Variants in DNAH11 observed in about 807,000 individuals in gnomAD.
DNAH11 encodes the protein axonemal beta dynein heavy chain 11.
In DNAH11, 442 loss-of-function variants were observed where a neutral mutation model predicts 526.0. The observed-to-expected ratio is 0.84, with a 90% CI of 0.78 to 0.91. The LOEUF is 0.91. Ranked by LOEUF, DNAH11 falls within the 40% of genes least tolerant of loss-of-function variation. The pLI, the probability that DNAH11 is intolerant of heterozygous loss-of-function variation, is 0.00. For missense variants in DNAH11, 6,989 were observed against 5,448.7 expected, an observed-to-expected ratio of 1.28 and a Z score of -8.90; for synonymous variants, 2,461 against 1,935.9, an observed-to-expected ratio of 1.27 and a Z score of -7.12.
chr7:21,879,492 C>T (rs532801851), intron 74 of DNAH11, among the ~76,000 whole-genome samples: 5 of 151,980 alleles, frequency 3.3e-5, no homozygotes, highest in African/African-American at 1.2e-4. Context: ...CAGGTCTAGA[C>T]ACATGTTTCC....
At position 21,749,600 on chromosome 7, in the gene DNAH11, C is replaced by T. The variant is rs1237450682; in HGVS notation, c.8674-78C>T. The T allele has an allele frequency of 2.5e-6, 4 of 1,572,254 alleles. No individual in the cohort carries two copies. In the Admixed American group the frequency reaches 7.0e-5, roughly 27 times the overall value. On this transcript the variant is annotated intron_variant, in intron 52 of 81. Coordinates refer to ENST00000409508, the MANE Select transcript of DNAH11 (RefSeq NM_001277115.2). ...GCTATGGCGATACAGTTACTGAGTT[C>T]TCCCCAGCACTCACACACAACCTCT...
chr7:21,683,974 G>T, intron 32 of DNAH11, 30 bp downstream of exon 32: 1 of 1,606,684 alleles, frequency 6.2e-7, no homozygotes, highest in Non-Finnish European at 8.5e-7. Context: ...GTCCAGATAG[G>T]AAAAACAACC....
At chr7:21,857,347 C>T (rs141980951) in intron 68 of DNAH11, among the ~76,000 whole-genome samples, 16 of 152,236 alleles carry the variant, frequency 1.1e-4, no homozygotes, top group Admixed American at 2.6e-4. Flanking sequence ...ACACCATGTT[C>T]ATCAGTTGGA....
intron 28 of DNAH11, among the ~76,000 whole-genome samples, chr7:21,641,192 C>T (rs932303148): frequency 6.6e-6 from 1 of 152,212 alleles, no homozygotes; most frequent in Admixed American, 6.5e-5. Flanking sequence ...TCACTTCTTA[C>T]TGGTGCCCAG....
chr7:21,732,879 G>A (rs140563383), intron 45 of DNAH11, among the ~76,000 whole-genome samples: 187 of 152,354 alleles, frequency 1.2e-3, no homozygotes, highest in Middle Eastern at 6.8e-3. Context: ...ACCTTTCTCA[G>A]AAGCCTGGAG....
At chr7:21,612,536 CAG>C (rs1449500397) in intron 20 of DNAH11, among the ~76,000 whole-genome samples, 9 of 118,782 alleles carry the variant, frequency 7.6e-5, no homozygotes, top group Admixed American at 2.2e-4. Flanking sequence ...GCCTGGGCGA[CAG>C]AGTGAGGCTC....
intron 32 of DNAH11, 65 bp from the exon 33 acceptor site, chr7:21,687,034 T>C (rs1334707697): frequency 8.8e-6 from 13 of 1,483,144 alleles, no homozygotes; most frequent in Middle Eastern, 3.6e-4. Flanking sequence ...TCTAATGTAT[T>C]GCCTCTGATG....
At chr7:21,760,818 T>C (rs1466675851) in intron 54 of DNAH11, among the ~76,000 whole-genome samples, 2 of 151,842 alleles carry the variant, frequency 1.3e-5, no homozygotes, top group African/African-American at 4.8e-5. Context: ...CCAGTCTGTG[T>C]AGCCCTTATT....
intron 65 of DNAH11, among the ~76,000 whole-genome samples, chr7:21,827,640 A>G (rs998400198): frequency 6.7e-6 from 1 of 148,714 alleles, no homozygotes; most frequent in African/African-American, 2.5e-5. Flanking sequence ...TATTAACTAT[A>G]TGATTTAAAA....
intron 67 of DNAH11, 24 bp downstream of exon 67, chr7:21,852,655 G>A: frequency 6.4e-7 from 1 of 1,552,878 alleles, no homozygotes; most frequent in Non-Finnish European, 8.7e-7. Flanking sequence ...AGGGTGCCTG[G>A]CAGATTCTAA....
At chr7:21,594,947 G>A (rs1360622434) in intron 14 of DNAH11, among the ~76,000 whole-genome samples, 1 of 152,182 alleles carries the variant, frequency 6.6e-6, no homozygotes, top group Non-Finnish European at 1.5e-5. Context: ...CATTCTAAAA[G>A]GATTTCTGGC....
intron 20 of DNAH11, among the ~76,000 whole-genome samples, chr7:21,614,764 G>A (rs925182299): frequency 2.0e-5 from 3 of 152,084 alleles, no homozygotes; most frequent in African/African-American, 7.2e-5. Context: ...TTACATGGAA[G>A]TTTCTAGAGC....
At chr7:21,820,542 A>C (rs1790008854) in intron 65 of DNAH11, among the ~76,000 whole-genome samples, 1 of 152,194 alleles carries the variant, frequency 6.6e-6, no homozygotes, top group Non-Finnish European at 1.5e-5. Flanking sequence ...AAAACAATCC[A>C]ACAGCTTTGG....
chr7:21,866,450 G>T lies in DNAH11; in HGVS notation c.11497-20G>T. 1 of 1,597,136 alleles carries T rather than the reference G, an allele frequency of 6.3e-7. No homozygotes were observed. Among genetic ancestry groups the T allele is most frequent in the Non-Finnish European group, 8.5e-7 (1 of 1,172,816 alleles). The stretch of plus-strand genomic sequence containing the variant: ...AGTATCGTTCACACCATTCCTACTT[G>T]TTTCCCTATCATATTACAGGCAATT... On this transcript the variant is annotated intron_variant, in intron 70 of 81. Coordinates refer to ENST00000409508, the MANE Select transcript of DNAH11 (RefSeq NM_001277115.2).
chr7:21,646,297 T>C (rs952118202), intron 28 of DNAH11, among the ~76,000 whole-genome samples: 1 of 151,886 alleles, frequency 6.6e-6, no homozygotes, highest in African/African-American at 2.4e-5. Flanking sequence ...CAATGAAAAA[T>C]TTCAACAAAA....
At chr7:21,802,366 G>T (rs955737852) in intron 62 of DNAH11, among the ~76,000 whole-genome samples, 1 of 152,126 alleles carries the variant, frequency 6.6e-6, no homozygotes, top group Non-Finnish European at 1.5e-5. Flanking sequence ...GGGAAATGCT[G>T]GTTGGAATGT....
intron 35 of DNAH11, among the ~76,000 whole-genome samples, chr7:21,693,649 G>A (rs1032672246): frequency 3.3e-5 from 5 of 151,998 alleles, no homozygotes; most frequent in Non-Finnish European, 4.4e-5. Context: ...TAGATACAGG[G>A]ATTTTCTGAT....
In DNAH11 at chr7:21,600,747, C is replaced by G. The variant is rs747866207; in HGVS notation, c.3072C>G (p.Ile1024Met). 6 of 1,613,698 alleles carry G rather than the reference C, an allele frequency of 3.7e-6. No homozygotes were observed. The highest frequency in any genetic ancestry group is 1.3e-5 in the African/African-American group (1 of 74,894). The change falls in exon 16 of 82, where the codon ATC (isoleucine) becomes ATG (methionine). Residue 1024 changes from isoleucine (I) to methionine (M), a missense_variant. Physicochemically the swap from Ile to Met is conservative, Grantham distance 10. Coordinates refer to ENST00000409508, the MANE Select transcript of DNAH11 (RefSeq NM_001277115.2). ...QEIMNRVVNVINKVLDFRNTL... is the reference protein window; with the variant it reads ...QEIMNRVVNVMNKVLDFRNTL... ...TCATGAACAGAGTGGTGAATGTCATCAACAAAGTCTTAGATTTCAGAAACA... is the reference window on the plus strand; with the variant it reads ...TCATGAACAGAGTGGTGAATGTCATGAACAAAGTCTTAGATTTCAGAAACA...
At position 21,637,666 on chromosome 7, in the gene DNAH11, C is replaced by T. The variant is rs559298487; in HGVS notation, c.4781C>T (p.Pro1594Leu). The change falls in exon 27 of 82, where the codon CCT (proline) becomes CTT (leucine). Residue 1594 changes from proline to leucine, a missense_variant. By Grantham distance (98) the Pro-to-Leu change is moderately conservative. Transcript: ENST00000409508. Reference protein sequence around the residue: ...VENVLEATCRPNLYEKLKDLQ... With the variant: ...VENVLEATCRLNLYEKLKDLQ... ...AATGTGTTAGAAGCAACGTGCAGAC[C>T]TAATCTCTATGAAAAACTTAAAGAT... 3 of 1,580,780 alleles carry T rather than the reference C, an allele frequency of 1.9e-6. No homozygotes were observed. Among genetic ancestry groups the T allele is most frequent in the Admixed American group, 3.6e-5 (2 of 55,090 alleles).
Sources: allele counts gnomAD v4.1 joint callset (sites outside exome capture counted in the v4.1 genomes callset), GRCh38; gene constraint gnomAD v4.1.1; transcripts MANE v1.5; gene names NCBI Gene and HGNC (gene_info 2026-07-23, HGNC 2026-07-21).